JARID2: variants seen among roughly 807,000 people sequenced by gnomAD.
The protein encoded by JARID2 is protein Jumonji.
Under a neutral mutation model 125.6 loss-of-function variants are expected in JARID2, and 21 were observed. The observed-to-expected ratio is 0.17, with a 90% CI of 0.12 to 0.24. JARID2 has a LOEUF of 0.24. Ranked by LOEUF, JARID2 falls within the 10% of genes least tolerant of loss-of-function variation. The probability of loss-of-function intolerance (pLI) is 1.00; values close to 1 mark genes in which losing one functional copy is unlikely to be tolerated. For synonymous variants in JARID2, 736 were observed against 661.6 expected, an observed-to-expected ratio of 1.11 and a Z score of -1.73; for missense variants, 1,303 against 1,639.6, an observed-to-expected ratio of 0.79 and a Z score of 3.55.
intron 4 of JARID2, among the ~76,000 whole-genome samples, chr6:15,453,322 T>C (rs1768005722): frequency 6.6e-6 from 1 of 152,262 alleles, no homozygotes; most frequent in African/African-American, 2.4e-5. Context: ...CCTCAACACT[T>C]GAAAATTACA....
At chr6:15,485,636 A>C (rs1489443608) in intron 5 of JARID2, among the ~76,000 whole-genome samples, 1 of 152,244 alleles carries the variant, frequency 6.6e-6, no homozygotes, top group East Asian at 1.9e-4. Context: ...GTACCATTTT[A>C]ATTGTTATAC....
intron 2 of JARID2, among the ~76,000 whole-genome samples, chr6:15,376,623 C>G (rs1292996350): frequency 6.6e-6 from 1 of 152,132 alleles, no homozygotes; most frequent in Non-Finnish European, 1.5e-5. Context: ...AGTCAAGAGG[C>G]TGAGACAGGA....
intron 17 of JARID2, among the ~76,000 whole-genome samples, chr6:15,518,227 G>A (rs1016585498): frequency 3.9e-5 from 6 of 152,306 alleles, no homozygotes; most frequent in South Asian, 4.1e-4. Context: ...GGGTGCAGGC[G>A]GCGGCACGGG....
At chr6:15,489,635 C>T (rs1770050666) in intron 6 of JARID2, among the ~76,000 whole-genome samples, 1 of 152,240 alleles carries the variant, frequency 6.6e-6, no homozygotes. Flanking sequence ...GCCCTGCCTG[C>T]CCCCATGCTC....
At chr6:15,287,308 G>T (rs1264137757) in intron 1 of JARID2, among the ~76,000 whole-genome samples, 1 of 152,182 alleles carries the variant, frequency 6.6e-6, no homozygotes, top group African/African-American at 2.4e-5. Context: ...GGATTACAGA[G>T]GGGACCCATG....
chr6:15,317,933 C>G (rs1762231253), intron 1 of JARID2, among the ~76,000 whole-genome samples: 1 of 152,202 alleles, frequency 6.6e-6, no homozygotes, highest in African/African-American at 2.4e-5. Flanking sequence ...GCAGTGCCTG[C>G]AAGTTCCAGC....
intron 6 of JARID2, among the ~76,000 whole-genome samples, chr6:15,495,432 G>T (rs1234952597): frequency 6.6e-6 from 1 of 152,116 alleles, no homozygotes; most frequent in African/African-American, 2.4e-5. Flanking sequence ...GTGAGGTCGG[G>T]GCATCCCTCT....
intron 1 of JARID2, among the ~76,000 whole-genome samples, chr6:15,366,518 CGGGGGGGGT>C (rs1763983288): frequency 1.4e-4 from 2 of 14,408 alleles, no homozygotes; most frequent in East Asian, 5.2e-3. Context: ...GCGGGGGGGG[CGGGGGGGGT>C]GGGGGGTGGG....
rs1417562221 is a variant in JARID2, at chr6:15,521,627, T to G, written c.*1376T>G. The G allele has an allele frequency of 6.6e-6, 1 of 152,152 alleles. No individual in the cohort carries two copies. The highest frequency in any genetic ancestry group is 1.5e-5 in the Non-Finnish European group (1 of 68,006). 9.4% of individuals were successfully genotyped at this position (152,152 alleles called of 1,614,324 possible). A position where few individuals can be genotyped will look rare whatever the true frequency, so the allele number is the denominator to read the frequency against. ...TGTGTGGAATAAAAAAGGGAAACTG[T>G]TTTCACAAGCTGTTCTTTGTTTCAT... On this transcript the variant is annotated 3_prime_UTR_variant, in exon 18 of 18. Coordinates refer to ENST00000341776, the MANE Select transcript of JARID2 (RefSeq NM_004973.4).
At chr6:15,429,977 G>T (rs1292964917) in intron 3 of JARID2, among the ~76,000 whole-genome samples, 1 of 152,132 alleles carries the variant, frequency 6.6e-6, no homozygotes, top group African/African-American at 2.4e-5. Flanking sequence ...TTATAATATT[G>T]CTGAATTGCT....
chr6:15,401,898 GT>G (rs34203284), intron 2 of JARID2, among the ~76,000 whole-genome samples: 34,861 of 126,432 alleles, frequency 0.28, 3,730 homozygotes, highest in East Asian at 0.39. Context: ...GTTGTCAGCA[GT>G]TTTTTTTTTT....
At chr6:15,511,600 G>T (rs1216783389) in intron 13 of JARID2, among the ~76,000 whole-genome samples, 199 bp downstream of exon 13, 1 of 152,182 alleles carries the variant, frequency 6.6e-6, no homozygotes, top group African/African-American at 2.4e-5. Context: ...GGTTTTGCAC[G>T]GCCTTTGCAT....
At chr6:15,458,810 G>C (rs542223648) in intron 4 of JARID2, among the ~76,000 whole-genome samples, 1 of 152,224 alleles carries the variant, frequency 6.6e-6, no homozygotes, top group East Asian at 1.9e-4. Context: ...GCTGGGAAGG[G>C]GTTCTGCAGA....
At chr6:15,367,126 C>G (rs957080722) in intron 1 of JARID2, among the ~76,000 whole-genome samples, 1 of 152,152 alleles carries the variant, frequency 6.6e-6, no homozygotes, top group Non-Finnish European at 1.5e-5. Context: ...TAATAAATGA[C>G]TTGACCACTC....
Position 15,501,381 on chromosome 6 carries a change from T to C in JARID2, c.2420T>C (p.Leu807Pro). The change falls in exon 8 of 18, where the codon CTC becomes CCC. Residue 807 changes from leucine (L) to proline (P), a missense_variant. By Grantham distance (98) the Leu-to-Pro change is moderately conservative. This residue lies in a region of JARID2 where 124 missense variants were observed against 131.0 expected (regional missense o/e 0.95). Coordinates refer to ENST00000341776, the MANE Select transcript of JARID2 (RefSeq NM_004973.4). ...VKEEEEDKGV[L>P]NDFHKCIYKG... ...GAAGAGGAGGAGGACAAAGGCGTCC[T>C]CAATGACTTCCACAAGTGCATCTAT... 6.4e-7 allele frequency: 1 copy of C among 1,555,614 alleles called. No individual in the cohort carries two copies. Among genetic ancestry groups the C allele is most frequent in the Non-Finnish European group, 8.7e-7 (1 of 1,150,836 alleles).
At chr6:15,444,735 ATTTTTT>A (rs5874512) in intron 3 of JARID2, among the ~76,000 whole-genome samples, 34 of 91,924 alleles carry the variant, frequency 3.7e-4, no homozygotes, top group Non-Finnish European at 5.6e-4. Flanking sequence ...GAACTGTCTG[ATTTTTT>A]TTTTTTTTTT....
intron 2 of JARID2, among the ~76,000 whole-genome samples, chr6:15,389,850 C>T (rs1434024588): frequency 6.6e-6 from 1 of 152,168 alleles, no homozygotes; most frequent in African/African-American, 2.4e-5. Flanking sequence ...CCCCTCCCAC[C>T]CTTTGATGTT....
chr6:15,261,394 A>C (rs1384641136), intron 1 of JARID2, among the ~76,000 whole-genome samples: 1 of 147,362 alleles, frequency 6.8e-6, no homozygotes, highest in African/African-American at 2.5e-5. Context: ...GGCTCACTGC[A>C]ACAACCTCTA....
Position 15,513,225 on chromosome 6 carries a change from C to T in JARID2, c.3267-14C>T, listed in dbSNP as rs753155885. Reference sequence around the variant, plus strand: ...CCGTCACTAAAGGTGCGGGCCGTCTCCCGTGTCTGGCAGGGATACAGAGCT... The same window carrying T: ...CCGTCACTAAAGGTGCGGGCCGTCTTCCGTGTCTGGCAGGGATACAGAGCT... On this transcript the variant is annotated splice_polypyrimidine_tract_variant and intron_variant, in intron 15 of 17. Transcript: ENST00000341776. 2 of 1,555,770 alleles carry T rather than the reference C, an allele frequency of 1.3e-6. No individual in the cohort carries two copies. Among genetic ancestry groups the T allele is most frequent in the South Asian group, 1.2e-5 (1 of 85,602 alleles).
Sources: allele counts gnomAD v4.1 joint callset (sites outside exome capture counted in the v4.1 genomes callset), GRCh38; gene constraint gnomAD v4.1.1; regional missense constraint gnomAD v4.1.1; transcripts MANE v1.5; gene names NCBI Gene and HGNC (gene_info 2026-07-23, HGNC 2026-07-21).